The following SMARCA2 variants were observed in gnomAD, a reference collection of about 807,000 sequenced individuals.
The protein encoded by SMARCA2 is SWI/SNF related BAF chromatin remodeling complex subunit ATPase 2.
In SMARCA2, 61 loss-of-function variants were observed where a neutral mutation model predicts 199.8. The ratio of observed to expected loss-of-function variants is 0.31; its 90% CI spans 0.25 to 0.38. The LOEUF (loss-of-function observed/expected upper bound fraction) is 0.38, where lower values mean the gene tolerates loss of function less well. Ranked by LOEUF, SMARCA2 falls within the 10% of genes least tolerant of loss-of-function variation. The probability of loss-of-function intolerance (pLI) is 1.00; values close to 1 mark genes in which losing one functional copy is unlikely to be tolerated. For missense variants in SMARCA2, 1,344 were observed against 2,012.2 expected, an observed-to-expected ratio of 0.67 and a Z score of 6.35; for synonymous variants, 935 against 732.0, an observed-to-expected ratio of 1.28 and a Z score of -4.48.
chr9:2,140,925 C>G (rs146706743), intron 27 of SMARCA2, among the ~76,000 whole-genome samples: 6 of 151,822 alleles, frequency 4.0e-5, no homozygotes, highest in African/African-American at 1.4e-4. Context: ...TTTTTAAGGG[C>G]CATTAAGGGA....
intron 5 of SMARCA2, among the ~76,000 whole-genome samples, chr9:2,049,788 A>G (rs1373151478): frequency 6.6e-6 from 1 of 152,236 alleles, no homozygotes; most frequent in Non-Finnish European, 1.5e-5. Flanking sequence ...AGGCACTTGC[A>G]AAAGACAACA....
At chr9:2,135,668 A>T (rs1010225731) in intron 27 of SMARCA2, among the ~76,000 whole-genome samples, 1 of 152,020 alleles carries the variant, frequency 6.6e-6, no homozygotes, top group South Asian at 2.1e-4. Context: ...CAGCCTCCCA[A>T]GTAGCTGGGA....
At chr9:2,116,118 TC>T in intron 25 of SMARCA2, 69 bp downstream of exon 25, 1 of 1,207,918 alleles carries the variant, frequency 8.3e-7, no homozygotes, top group Non-Finnish European at 1.2e-6. Flanking sequence ...CTCAGAATAA[TC>T]CCTTTGTTTA....
At chr9:2,022,722 T>C (rs1156567758) in intron 1 of SMARCA2, among the ~76,000 whole-genome samples, 4 of 152,248 alleles carry the variant, frequency 2.6e-5, no homozygotes, top group African/African-American at 9.6e-5. Flanking sequence ...GTGGCTGTTG[T>C]TGATTCTTAT....
At chr9:2,146,395 G>A (rs1824746064) in intron 27 of SMARCA2, among the ~76,000 whole-genome samples, 1 of 152,132 alleles carries the variant, frequency 6.6e-6, no homozygotes, top group South Asian at 2.1e-4. Flanking sequence ...AGGATGGGTA[G>A]GATCAGATCA....
At chr9:2,155,933 G>A (rs78873336) in intron 27 of SMARCA2, among the ~76,000 whole-genome samples, 5,777 of 151,798 alleles carry the variant, frequency 0.038, 335 homozygotes, top group African/African-American at 0.13. Flanking sequence ...AATGAAATAC[G>A]AAACAGAGTC....
intron 27 of SMARCA2, chr9:2,159,516 T>C: frequency 4.1e-6 from 1 of 245,184 alleles, no homozygotes; most frequent in Non-Finnish European, 7.9e-6. Flanking sequence ...TAAAATAAAT[T>C]TGAATATTAA....
At chr9:2,021,371 C>G (rs1431357070) in intron 1 of SMARCA2, among the ~76,000 whole-genome samples, 6 of 152,072 alleles carry the variant, frequency 3.9e-5, no homozygotes, top group African/African-American at 1.4e-4. Flanking sequence ...AATCTCTAAC[C>G]AAAAAGGAAC....
intron 25 of SMARCA2, among the ~76,000 whole-genome samples, chr9:2,116,363 A>T (rs1210387362): frequency 6.6e-6 from 1 of 152,136 alleles, no homozygotes; most frequent in African/African-American, 2.4e-5. Context: ...ACTGCAGAGG[A>T]TACTTTAGGG....
At chr9:2,091,067 C>T (rs1250758479) in intron 19 of SMARCA2, among the ~76,000 whole-genome samples, 1 of 152,080 alleles carries the variant, frequency 6.6e-6, no homozygotes, top group African/African-American at 2.4e-5. Flanking sequence ...GAAAAAAGAG[C>T]CATATAGGAA....
At chr9:2,055,019 A>G (rs568509762) in intron 6 of SMARCA2, among the ~76,000 whole-genome samples, 2 of 152,166 alleles carry the variant, frequency 1.3e-5, no homozygotes, top group Non-Finnish European at 2.9e-5. Context: ...CTTGGGAACA[A>G]GTGGGGTAGC....
intron 29 of SMARCA2, among the ~76,000 whole-genome samples, chr9:2,177,938 A>AAGTT (rs1418703881): frequency 6.6e-6 from 1 of 152,176 alleles, no homozygotes; most frequent in Non-Finnish European, 1.5e-5. Context: ...CATTTATGTA[A>AAGTT]AGTTTATAAT....
intron 24 of SMARCA2, among the ~76,000 whole-genome samples, chr9:2,113,276 C>T (rs1314443760): frequency 6.6e-6 from 1 of 152,106 alleles, no homozygotes; most frequent in African/African-American, 2.4e-5. Flanking sequence ...AAAAATCCCA[C>T]CAGGTTGCCA....
chr9:2,070,550 T>C, intron 10 of SMARCA2, 79 bp downstream of exon 10: 1 of 986,086 alleles, frequency 1.0e-6, no homozygotes, highest in East Asian at 2.5e-5. Flanking sequence ...TCTTCATGCA[T>C]ACTATTTTAT....
chr9:2,089,793 A>G (rs957595681), intron 19 of SMARCA2, among the ~76,000 whole-genome samples: 2 of 152,194 alleles, frequency 1.3e-5, no homozygotes, highest in African/African-American at 2.4e-5. Flanking sequence ...ATGAATGGGT[A>G]TAGTGGCCAT....
At chr9:2,188,346 CCA>C (rs1401878547) in intron 32 of SMARCA2, among the ~76,000 whole-genome samples, 1 of 152,124 alleles carries the variant, frequency 6.6e-6, no homozygotes, top group African/African-American at 2.4e-5. Flanking sequence ...ATACACATTG[CCA>C]CAGAGAATGG....
intron 8 of SMARCA2, among the ~76,000 whole-genome samples, chr9:2,059,618 A>G (rs1171341577): frequency 1.3e-5 from 2 of 152,244 alleles, no homozygotes; most frequent in Admixed American, 6.5e-5. Context: ...GTGATGGAAT[A>G]TACAGATAAT....
At chr9:2,145,569 G>GGT (rs1824700338) in intron 27 of SMARCA2, among the ~76,000 whole-genome samples, 1 of 152,260 alleles carries the variant, frequency 6.6e-6, no homozygotes, top group East Asian at 1.9e-4. Context: ...GTGAGGAATG[G>GGT]GTGAAGTAGG....
intron 6 of SMARCA2, among the ~76,000 whole-genome samples, chr9:2,055,371 G>C (rs1820306186): frequency 6.6e-6 from 1 of 152,198 alleles, no homozygotes; most frequent in South Asian, 2.1e-4. Context: ...AGTGGAATGA[G>C]TTAGAGCTAA....
Sources: allele counts gnomAD v4.1 joint callset (sites outside exome capture counted in the v4.1 genomes callset), GRCh38; gene constraint gnomAD v4.1.1; transcripts MANE v1.5; gene names NCBI Gene and HGNC (gene_info 2026-07-23, HGNC 2026-07-21).